MECOM: variants seen among roughly 807,000 people sequenced by gnomAD.
The protein encoded by MECOM is histone-lysine N-methyltransferase MECOM.
A neutral mutation model predicts 116.3 loss-of-function variants in MECOM; 13 were observed. That is an observed-to-expected ratio of 0.11 (90% CI 0.07 to 0.18). The LOEUF (loss-of-function observed/expected upper bound fraction) is 0.18. Ranked by LOEUF, MECOM falls within the 10% of genes least tolerant of loss-of-function variation. MECOM has a pLI of 1.00. For synonymous variants in MECOM, 528 were observed against 535.2 expected (o/e 0.99, Z 0.19); for missense variants, 1,299 against 1,509.0 (o/e 0.86, Z 2.31).
chr3:169,531,343 C>A (rs1335847982), intron 1 of MECOM, among the ~76,000 whole-genome samples: 1 of 152,204 alleles, frequency 6.6e-6, no homozygotes, highest in African/African-American at 2.4e-5. Flanking sequence ...AGCCCTGATA[C>A]TGAGGATGGT....
At chr3:169,550,884 C>T (rs1427017650) in intron 1 of MECOM, among the ~76,000 whole-genome samples, 1 of 82,232 alleles carries the variant, frequency 1.2e-5, no homozygotes, top group African/African-American at 3.9e-5. Context: ...AGTGCAGTGG[C>T]GGGATCTCGG....
intron 1 of MECOM, among the ~76,000 whole-genome samples, chr3:169,506,337 G>A (rs766734911): frequency 3.3e-5 from 5 of 152,224 alleles, no homozygotes; most frequent in East Asian, 1.9e-4. Context: ...GAGTGTCCCC[G>A]CCACATCCCC....
At chr3:169,505,273 T>C (rs1280173655) in intron 1 of MECOM, among the ~76,000 whole-genome samples, 1 of 151,692 alleles carries the variant, frequency 6.6e-6, no homozygotes, top group Non-Finnish European at 1.5e-5. Context: ...TAAATTTAAA[T>C]AAAGTCAAAA....
At chr3:169,599,835 A>G (rs184952566) in intron 1 of MECOM, among the ~76,000 whole-genome samples, 3 of 152,354 alleles carry the variant, frequency 2.0e-5, no homozygotes, top group African/African-American at 7.2e-5. Flanking sequence ...CAGGAATTTC[A>G]AAGACTGTAC....
chr3:169,262,048 G>A (rs1292012834), intron 2 of MECOM, among the ~76,000 whole-genome samples: 1 of 152,180 alleles, frequency 6.6e-6, no homozygotes, highest in African/African-American at 2.4e-5. Context: ...TCTACCCTGT[G>A]CCACGCCCCA....
At chr3:169,467,598 A>G (rs915243410) in intron 1 of MECOM, among the ~76,000 whole-genome samples, 1 of 152,214 alleles carries the variant, frequency 6.6e-6, no homozygotes, top group African/African-American at 2.4e-5. Flanking sequence ...AGGGAGCTCT[A>G]CATGATTTAG....
At chr3:169,454,021 G>A (rs888041914) in intron 1 of MECOM, among the ~76,000 whole-genome samples, 2 of 152,074 alleles carry the variant, frequency 1.3e-5, no homozygotes, top group African/African-American at 2.4e-5. Flanking sequence ...CCAGCCCTGT[G>A]CAAGGTCCCT....
At position 169,663,540 on chromosome 3, in the gene MECOM, T is replaced by A. The variant is rs1577356348; in HGVS notation, c.-168A>T. On this transcript the variant is annotated 5_prime_UTR_variant, in exon 1 of 17. Transcript: ENST00000651503. ...TCTCTCTCTCTCTCTCCCTCCCTCC[T>A]GTTTCTCTCCTGTTTCTCTCTCTCT... 4.8e-6 allele frequency: 3 copies of A among 622,822 alleles called. No homozygotes were observed. The South Asian group carries it at 5.9e-5, about 12-fold the overall frequency. 38.6% of individuals were successfully genotyped at this position (622,822 alleles called of 1,614,324 possible).
chr3:169,607,029 G>A (rs1327554462), intron 1 of MECOM, among the ~76,000 whole-genome samples: 2 of 152,184 alleles, frequency 1.3e-5, no homozygotes, highest in Non-Finnish European at 2.9e-5. Context: ...AGAAAATTTG[G>A]AGTCTCCGCC....
intron 2 of MECOM, among the ~76,000 whole-genome samples, chr3:169,378,752 C>A (rs1416662715): frequency 6.6e-6 from 1 of 151,678 alleles, no homozygotes; most frequent in Admixed American, 6.6e-5. Context: ...GGGAGCTTTG[C>A]AGGAAGAAAA....
rs554579766 is a variant in MECOM at position 169,472,215 on chromosome 3, T to A, written c.38-90691A>T. Among the ~76,000 whole-genome samples the A allele has an allele frequency of 6.0e-5, 9 of 150,744 alleles. No homozygotes were observed. In the East Asian group the frequency reaches 1.6e-3, roughly 26 times the overall value. On this transcript the variant is annotated intron_variant, in intron 1 of 16. Coordinates refer to ENST00000651503, the MANE Select transcript of MECOM (RefSeq NM_004991.4). ...ACAAAAATTAAAAATTAAAAAAAAA[T>A]TAAAGTTTATTTCCCCATTCAAGAG...
chr3:169,429,868 A>G (rs1484120530), intron 1 of MECOM, among the ~76,000 whole-genome samples: 1 of 152,212 alleles, frequency 6.6e-6, no homozygotes, highest in Non-Finnish European at 1.5e-5. Context: ...ACAACAAAGC[A>G]AGAGGAATGG....
intron 1 of MECOM, among the ~76,000 whole-genome samples, chr3:169,548,698 G>A (rs1239689610): frequency 6.6e-6 from 1 of 152,140 alleles, no homozygotes; most frequent in East Asian, 1.9e-4. Context: ...AGGAGATAAG[G>A]TAGATGTCCC....
intron 1 of MECOM, among the ~76,000 whole-genome samples, chr3:169,533,624 T>C (rs1245918746): frequency 1.4e-5 from 2 of 141,938 alleles, no homozygotes; most frequent in Non-Finnish European, 3.1e-5. Flanking sequence ...CTGGAGTTCA[T>C]ATTCATTTCT....
intron 2 of MECOM, among the ~76,000 whole-genome samples, chr3:169,291,658 T>A (rs1378661448): frequency 6.6e-6 from 1 of 152,230 alleles, no homozygotes; most frequent in Non-Finnish European, 1.5e-5. Context: ...ATAGTCATTG[T>A]TATAGCATCT....
At chr3:169,561,484 G>A (rs1762628156) in intron 1 of MECOM, among the ~76,000 whole-genome samples, 1 of 152,094 alleles carries the variant, frequency 6.6e-6, no homozygotes, top group Admixed American at 6.6e-5. Flanking sequence ...AGAAGATCAG[G>A]ATAATATAAA....
intron 1 of MECOM, among the ~76,000 whole-genome samples, chr3:169,556,934 T>C (rs1214576227): frequency 6.6e-6 from 1 of 152,128 alleles, no homozygotes; most frequent in Non-Finnish European, 1.5e-5. Flanking sequence ...TAAAAAATTT[T>C]ATTGTTTAAA....
At chr3:169,122,136 C>T (rs1366150063) in intron 6 of MECOM, among the ~76,000 whole-genome samples, 4 of 152,056 alleles carry the variant, frequency 2.6e-5, no homozygotes, top group Non-Finnish European at 5.9e-5. Flanking sequence ...ATGGTGAGCC[C>T]TTGGTTGGAA....
At chr3:169,368,440 T>A (rs1017735511) in intron 2 of MECOM, among the ~76,000 whole-genome samples, 2 of 152,064 alleles carry the variant, frequency 1.3e-5, no homozygotes, top group Non-Finnish European at 2.9e-5. Flanking sequence ...AAATTTTTAT[T>A]TATCATTCAA....
Sources: gnomAD v4.1 joint callset for allele counts (sites outside exome capture counted in the v4.1 genomes callset) on GRCh38, gnomAD v4.1.1 for gene constraint, MANE v1.5 for transcripts, NCBI Gene and HGNC (gene_info 2026-07-23, HGNC 2026-07-21) for gene names.